Variants in DNAH5 observed in about 807,000 individuals in gnomAD.
DNAH5 encodes the protein dynein axonemal heavy chain 5, also known as axonemal beta dynein heavy chain 5.
Under a neutral mutation model 518.2 loss-of-function variants are expected in DNAH5, and 372 were observed. The observed-to-expected ratio is 0.72, with a 90% CI of 0.66 to 0.78. DNAH5 has a LOEUF of 0.78. Ranked by LOEUF, DNAH5 falls within the 30% of genes least tolerant of loss-of-function variation. DNAH5 has a pLI of 0.00. For synonymous variants in DNAH5, 2,039 were observed against 2,025.9 expected (o/e 1.01, Z -0.17); for missense variants, 5,523 against 5,687.0 (o/e 0.97, Z 0.93).
intron 55 of DNAH5, 67 bp downstream of exon 55, chr5:13,776,372 G>C (rs753073017): frequency 6.2e-7 from 1 of 1,602,730 alleles, no homozygotes; most frequent in Non-Finnish European, 8.5e-7. Flanking sequence ...GAGCCTTCAA[G>C]CATCCCTGAA....
chr5:13,786,468 A>G, intron 51 of DNAH5, 117 bp from the exon 52 acceptor site: 1 of 1,095,172 alleles, frequency 9.1e-7, no homozygotes, highest in Non-Finnish European at 1.4e-6. Flanking sequence ...ATTTTAAGCT[A>G]AATGCCATAG....
At chr5:13,887,510 A>G (rs1237204252) in intron 17 of DNAH5, among the ~76,000 whole-genome samples, 1 of 152,184 alleles carries the variant, frequency 6.6e-6, no homozygotes, top group African/African-American at 2.4e-5. Flanking sequence ...AACCTCCATG[A>G]TGACACCCAA....
At chr5:13,744,562 T>G (rs1749070943) in intron 65 of DNAH5, among the ~76,000 whole-genome samples, 1 of 152,114 alleles carries the variant, frequency 6.6e-6, no homozygotes, top group Non-Finnish European at 1.5e-5. Context: ...CTGATCACTA[T>G]ACATTATATT....
intron 15 of DNAH5, among the ~76,000 whole-genome samples, chr5:13,895,644 T>A (rs1373108687): frequency 6.6e-6 from 1 of 152,040 alleles, no homozygotes; most frequent in African/African-American, 2.4e-5. Flanking sequence ...CCAGTATTGA[T>A]CTCAACTAGT....
intron 53 of DNAH5, 146 bp downstream of exon 53, chr5:13,780,683 G>A: frequency 1.1e-6 from 1 of 918,372 alleles, no homozygotes. Context: ...GACAAAGGTT[G>A]ACAGGGGAAG....
intron 50 of DNAH5, among the ~76,000 whole-genome samples, chr5:13,790,266 T>G (rs1756744000): frequency 6.6e-6 from 1 of 152,202 alleles, no homozygotes; most frequent in African/African-American, 2.4e-5. Context: ...ATTGCAGCAC[T>G]ATTCACAATA....
At chr5:13,720,893 C>T (rs1326934538) in intron 71 of DNAH5, 107 bp downstream of exon 71, 3 of 1,472,362 alleles carry the variant, frequency 2.0e-6, no homozygotes, top group Non-Finnish European at 2.8e-6. Flanking sequence ...AAACAGCAGG[C>T]AGCATGTAAA....
intron 1 of DNAH5, among the ~76,000 whole-genome samples, chr5:13,992,252 T>C (rs1177115999): frequency 6.6e-6 from 1 of 152,144 alleles, no homozygotes; most frequent in Non-Finnish European, 1.5e-5. Context: ...GATTCTTCCA[T>C]CTCCTCCACA....
At position 13,758,865 on chromosome 5, in the gene DNAH5, T is replaced by C. The variant is rs1751385181; in HGVS notation, c.10400A>G (p.Gln3467Arg). The C allele has an allele frequency of 6.2e-7, 1 of 1,614,192 alleles. No individual in the cohort carries two copies. The change falls in exon 61 of 79, where the codon CAG (glutamine) becomes CGG (arginine). Residue 3467 changes from glutamine (Q) to arginine (R), a missense_variant. By Grantham distance (43) the Gln-to-Arg change is conservative. Coordinates refer to ENST00000265104, the MANE Select transcript of DNAH5 (RefSeq NM_001369.3). ...ELDVVQAEYE[Q>R]AMTEKQTLLE... ...AGTTACCTGCTTTTCAGTCATGGCC[T>C]GTTCATACTCAGCCTGCACCACGTC... is the stretch of plus-strand genomic sequence containing the variant.
chr5:13,851,529 T>C (rs1369947283), intron 30 of DNAH5, among the ~76,000 whole-genome samples: 1 of 151,984 alleles, frequency 6.6e-6, no homozygotes, highest in Non-Finnish European at 1.5e-5. Flanking sequence ...AGGCTGGTCT[T>C]GAACTCCTGG....
chr5:13,709,643 A>C (rs568340233), intron 75 of DNAH5, among the ~76,000 whole-genome samples: 13 of 152,316 alleles, frequency 8.5e-5, no homozygotes, highest in East Asian at 3.9e-4. Flanking sequence ...ACAAAGCAGC[A>C]ATCCCTAGAG....
chr5:13,758,860 T>C lies in DNAH5; in HGVS notation c.10405A>G (p.Met3469Val), dbSNP rs755793521. ...DVVQAEYEQA[M>V]TEKQTLLEDA... ...AGGGCAGTTACCTGCTTTTCAGTCA[T>C]GGCCTGTTCATACTCAGCCTGCACC... Residue 3469 changes from methionine to valine, a missense_variant, in exon 61 of 79, where the codon ATG becomes GTG. Around this residue, in one of 3 missense-constraint regions of DNAH5, gnomAD observed 5,121 missense variants for 5,223.3 expected, o/e 0.98. Transcript: ENST00000265104. The C allele has an allele frequency of 7.4e-6, 12 of 1,614,212 alleles. No individual in the cohort carries two copies. The Admixed American group carries it at 1.5e-4, about 20-fold the overall frequency.
chr5:13,743,778 G>T (rs1226284000), intron 65 of DNAH5, among the ~76,000 whole-genome samples: 1 of 151,920 alleles, frequency 6.6e-6, no homozygotes, highest in Non-Finnish European at 1.5e-5. Context: ...CCCCAGCTGG[G>T]TTGGCGATTA....
chr5:13,726,789 A>G (rs1745800594), intron 70 of DNAH5, among the ~76,000 whole-genome samples: 1 of 152,190 alleles, frequency 6.6e-6, no homozygotes, highest in Non-Finnish European at 1.5e-5. Flanking sequence ...AATATCTTAC[A>G]TTCTATTATA....
At chr5:13,710,540 TGAAACAAAAAGCTGGTTCTTTGAAAA>T (rs1284173032) in intron 75 of DNAH5, among the ~76,000 whole-genome samples, 5 of 151,534 alleles carry the variant, frequency 3.3e-5, no homozygotes, top group East Asian at 3.9e-4. Context: ...AAAAGGTAAA[TGAAACAAAAAGCTGGTTCTTTGAAAA>T]GAAACAAAAA....
chr5:13,709,933 A>G (rs1047841058), intron 75 of DNAH5, among the ~76,000 whole-genome samples: 23 of 152,086 alleles, frequency 1.5e-4, no homozygotes, highest in African/African-American at 5.6e-4. Flanking sequence ...GGCCCTGCCT[A>G]TTGCCGGTTT....
chr5:13,931,612 G>A (rs1404292434), intron 1 of DNAH5, among the ~76,000 whole-genome samples: 3 of 152,100 alleles, frequency 2.0e-5, no homozygotes, highest in Non-Finnish European at 4.4e-5. Flanking sequence ...ATTTTCCTAA[G>A]CCATTAAAGT....
At chr5:13,967,576 T>G in intron 1 of DNAH5, among the ~76,000 whole-genome samples, 1 of 152,246 alleles carries the variant, frequency 6.6e-6, no homozygotes, top group Non-Finnish European at 1.5e-5. Context: ...TTGATGACTA[T>G]AGCCTTATAG....
chr5:13,851,300 G>C (rs1046303611), intron 30 of DNAH5, among the ~76,000 whole-genome samples: 22 of 152,076 alleles, frequency 1.4e-4, no homozygotes, highest in African/African-American at 5.3e-4. Flanking sequence ...GAGAGGGCAG[G>C]AATCATATAA....
Sources: gnomAD v4.1 joint callset for allele counts (sites outside exome capture counted in the v4.1 genomes callset) on GRCh38, gnomAD v4.1.1 for gene constraint, gnomAD v4.1.1 regional missense constraint, MANE v1.5 for transcripts, NCBI Gene and HGNC (gene_info 2026-07-23, HGNC 2026-07-21) for gene names.